TCF20: variants seen among roughly 807,000 people sequenced by gnomAD.
The protein encoded by TCF20 is transcription factor 20.
Under a neutral mutation model 148.6 loss-of-function variants are expected in TCF20, and 3 were observed. The ratio of observed to expected loss-of-function variants is 0.02; its 90% CI spans 0.01 to 0.05. The LOEUF (loss-of-function observed/expected upper bound fraction) is 0.05, where lower values mean the gene tolerates loss of function less well. Ranked by LOEUF, TCF20 falls within the 10% of genes least tolerant of loss-of-function variation. TCF20 has a pLI of 1.00. For missense variants in TCF20, 2,350 were observed against 2,429.3 expected (o/e 0.97, Z 0.69); for synonymous variants, 1,049 against 909.5 (o/e 1.15, Z -2.76).
At chr22:42,261,226 T>C (rs1308976863) in intron 1 of TCF20, among the ~76,000 whole-genome samples, 1 of 151,968 alleles carries the variant, frequency 6.6e-6, no homozygotes, top group African/African-American at 2.4e-5. Flanking sequence ...TGCCAATTTG[T>C]TATCTACTGT....
intron 1 of TCF20, among the ~76,000 whole-genome samples, chr22:42,342,600 A>C (rs1928186753): frequency 6.6e-6 from 1 of 152,204 alleles, no homozygotes; most frequent in African/African-American, 2.4e-5. Context: ...GGGGCCTGCC[A>C]AGGGCCGGGT....
At chr22:42,273,162 C>T (rs1039477813), upstream of TCF20, among the ~76,000 whole-genome samples, 2 of 151,626 alleles carry the variant, frequency 1.3e-5, no homozygotes, top group Non-Finnish European at 2.9e-5. Flanking sequence ...GAGTTCAAGA[C>T]CACCCTGACC....
At chr22:42,183,531 C>T (rs554690983) in intron 2 of TCF20, among the ~76,000 whole-genome samples, 19 of 152,218 alleles carry the variant, frequency 1.2e-4, no homozygotes, top group Admixed American at 1.1e-3. Flanking sequence ...AGGGACAGGG[C>T]GGCAGCTGCA....
At chr22:42,311,329 A>G (rs1927533536) in intron 1 of TCF20, among the ~76,000 whole-genome samples, 1 of 152,256 alleles carries the variant, frequency 6.6e-6, no homozygotes, top group South Asian at 2.1e-4. Flanking sequence ...ACTGGGGGGA[A>G]GGGCAGGAGG....
At chr22:42,268,112 C>T (rs1052425580) in intron 1 of TCF20, among the ~76,000 whole-genome samples, 8 of 152,052 alleles carry the variant, frequency 5.3e-5, no homozygotes, top group African/African-American at 1.9e-4. Context: ...TGCCACTGCA[C>T]TCCAGCCTGG....
At chr22:42,215,481 G>GT (rs1194435579) in intron 1 of TCF20, 140 bp from the exon 2 acceptor site, 24 of 1,153,904 alleles carry the variant, frequency 2.1e-5, no homozygotes, top group Non-Finnish European at 2.7e-5. Context: ...TTTTTTTTTG[G>GT]TTTTTTGAGA....
intron 1 of TCF20, among the ~76,000 whole-genome samples, chr22:42,231,928 C>CAAAAAAAAAAAAAAAAAAAAAAAAA (rs55642530): frequency 8.1e-6 from 1 of 123,270 alleles, no homozygotes; most frequent in Non-Finnish European, 1.7e-5. Flanking sequence ...GACTCCGTCT[C>CAAAAAAAAAAAAAAAAAAAAAAAAA]AAAAAAAAAA....
chr22:42,275,110 C>G (rs950897167), upstream of TCF20: 3 of 152,204 alleles, frequency 2.0e-5, no homozygotes, highest in African/African-American at 7.2e-5. Flanking sequence ...CTTCCCAGCA[C>G]TCAGCAAACA....
At chr22:42,198,614 G>A (rs1048579089) in intron 2 of TCF20, among the ~76,000 whole-genome samples, 1 of 151,020 alleles carries the variant, frequency 6.6e-6, no homozygotes, top group Non-Finnish European at 1.5e-5. Flanking sequence ...AGAGAATAAT[G>A]ACAAGAAGAA....
At position 42,261,246 on chromosome 22, in the gene TCF20, G is replaced by A. The variant is rs191829328; in HGVS notation, c.-37+9093C>T. The stretch of plus-strand genomic sequence containing the variant: ...ATTTGTTATCTACTGTCTCGCTGAT[G>A]GACATCTGGACTGTTTAGTTTTGGT... On this transcript the variant is annotated intron_variant, in intron 1 of 5. Coordinates refer to ENST00000677622, the MANE Select transcript of TCF20 (RefSeq NM_001378418.1). Among the ~76,000 whole-genome samples the A allele has an allele frequency of 1.8e-4, 28 of 152,092 alleles. No homozygotes were observed. The East Asian group carries it at 4.2e-3, about 23-fold the overall frequency.
intron 3 of TCF20, among the ~76,000 whole-genome samples, chr22:42,173,747 G>T (rs1936275764): frequency 6.6e-6 from 1 of 152,144 alleles, no homozygotes; most frequent in Non-Finnish European, 1.5e-5. Flanking sequence ...TCATCAAAAA[G>T]ACCGCAATGA....
intron 1 of TCF20, among the ~76,000 whole-genome samples, chr22:42,328,235 C>T (rs140876668): frequency 6.6e-6 from 1 of 152,212 alleles, no homozygotes; most frequent in East Asian, 1.9e-4. Flanking sequence ...CACGTGTCCG[C>T]TCCAGCCAGA....
At chr22:42,258,151 A>ACTACTTT (rs1221555722) in intron 1 of TCF20, among the ~76,000 whole-genome samples, 1 of 152,178 alleles carries the variant, frequency 6.6e-6, no homozygotes, top group Non-Finnish European at 1.5e-5. Context: ...GCTCATCTTA[A>ACTACTTT]CTACTTTCTT....
At chr22:42,334,674 C>T (rs6002692) in intron 1 of TCF20, among the ~76,000 whole-genome samples, 91,385 of 152,144 alleles carry the variant, frequency 0.6, 29,570 homozygotes, top group African/African-American at 0.85. Flanking sequence ...TGCACTGAGA[C>T]TATCACATCT....
At chr22:42,260,546 T>C (rs1312402270) in intron 1 of TCF20, among the ~76,000 whole-genome samples, 2 of 152,144 alleles carry the variant, frequency 1.3e-5, no homozygotes, top group Non-Finnish European at 2.9e-5. Flanking sequence ...GATACATATA[T>C]GTATATGGTT....
chr22:42,226,700 TTCTG>T (rs1486401079), intron 1 of TCF20, among the ~76,000 whole-genome samples: 2 of 152,118 alleles, frequency 1.3e-5, no homozygotes, highest in East Asian at 1.9e-4. Flanking sequence ...CAGAGTGAGA[TTCTG>T]TCTCTTAAAA....
At chr22:42,165,045 T>C (rs992519774) in intron 5 of TCF20, among the ~76,000 whole-genome samples, 7 of 152,160 alleles carry the variant, frequency 4.6e-5, no homozygotes, top group Non-Finnish European at 1.0e-4. Flanking sequence ...TAATGAAGAT[T>C]GCACTTGGCT....
chr22:42,209,349 T>G (rs1303655959), intron 2 of TCF20, among the ~76,000 whole-genome samples: 1 of 152,216 alleles, frequency 6.6e-6, no homozygotes, highest in Non-Finnish European at 1.5e-5. Flanking sequence ...CAGGATAAGT[T>G]ATGAAACAGA....
intron 4 of TCF20, 47 bp from the exon 5 acceptor site, chr22:42,168,783 G>A: frequency 2.6e-6 from 4 of 1,551,264 alleles, no homozygotes; most frequent in Non-Finnish European, 3.5e-6. Flanking sequence ...GGAGAGGACA[G>A]TGCAGAAATC....
Sources: gnomAD v4.1 joint callset for allele counts (sites outside exome capture counted in the v4.1 genomes callset) on GRCh38, gnomAD v4.1.1 for gene constraint, MANE v1.5 for transcripts, NCBI Gene and HGNC (gene_info 2026-07-23, HGNC 2026-07-21) for gene names.